Variants in CAPN11 observed in about 807,000 individuals in gnomAD.
The protein encoded by CAPN11 is calpain 11, also known as calpain-11.
CAPN11 carries 108 observed loss-of-function variants against 105.3 expected under a neutral mutation model. That is an observed-to-expected ratio of 1.03 (90% CI 0.88 to 1.20). CAPN11 has a LOEUF of 1.20. CAPN11 is among the 50% of genes most tolerant of loss of function. The pLI is 0.00. For synonymous variants in CAPN11, 329 were observed against 344.5 expected (o/e 0.96, Z 0.50); for missense variants, 883 against 924.8 (o/e 0.95, Z 0.59).
intron 12 of CAPN11, 166 bp downstream of exon 12, chr6:44,177,586 C>G: frequency 3.2e-6 from 2 of 632,034 alleles, no homozygotes; most frequent in East Asian, 2.8e-5. Context: ...CTCCCCAGTT[C>G]AAGTGATTCT....
chr6:44,180,765 G>C lies in CAPN11; in HGVS notation c.1764G>C (p.Val588=). 1.2e-6 allele frequency: 2 copies of C among 1,613,710 alleles called. No individual in the cohort carries two copies. Among genetic ancestry groups the C allele is most frequent in the Non-Finnish European group, 1.7e-6 (2 of 1,179,762 alleles). Residue 588 remains valine, a synonymous_variant, in exon 17 of 23, where the codon GTG becomes GTC. Transcript: ENST00000398776. ...CTTCCTAGGGCAAGGAGATAGGGGT[G>C]TATGAGCTCCAGAGGCTGCTCAACA... ...IVAGEGKEIG[V]YELQRLLNRM... is the part of the protein sequence containing the mutation.
intron 12 of CAPN11, chr6:44,177,670 A>T (rs1184894279): frequency 2.3e-6 from 1 of 441,140 alleles, no homozygotes; most frequent in Non-Finnish European, 4.1e-6. Flanking sequence ...TATTTTTAGT[A>T]GAGACGGGGT....
chr6:44,162,480 G>A (rs1464683867), intron 1 of CAPN11, among the ~76,000 whole-genome samples: 4 of 152,010 alleles, frequency 2.6e-5, no homozygotes, highest in Non-Finnish European at 4.4e-5. Context: ...GAGGGCTTGG[G>A]TTAGAAGAGA....
intron 18 of CAPN11, 38 bp from the exon 19 acceptor site, chr6:44,181,214 T>A: frequency 1.9e-6 from 3 of 1,600,878 alleles, no homozygotes; most frequent in Non-Finnish European, 2.6e-6. Context: ...TGGGATGCCT[T>A]CTTCACTCCT....
chr6:44,176,936 C>T lies in CAPN11; in HGVS notation c.1175C>T (p.Thr392Ile), dbSNP rs745828964. 1.2e-6 allele frequency: 2 copies of T among 1,613,988 alleles called. No homozygotes were observed. Among genetic ancestry groups the T allele is most frequent in the Admixed American group, 3.3e-5 (2 of 60,028 alleles). ...GGGGACTACAAGAGCTACTGGCACA[C>T]CACCTTCTACGAGGGCAGCTGGCGC... Reference protein sequence around the residue: ...LSGDYKSYWHTTFYEGSWRRG... With the variant: ...LSGDYKSYWHITFYEGSWRRG... Residue 392 changes from threonine to isoleucine, a missense_variant, in exon 11 of 23, where the codon ACC becomes ATC. Thr to Ile is a moderately conservative substitution (Grantham distance 89, BLOSUM62 -1). Coordinates refer to ENST00000398776, the MANE Select transcript of CAPN11 (RefSeq NM_007058.4).
intron 19 of CAPN11, 71 bp from the exon 20 acceptor site, chr6:44,182,870 G>T: frequency 8.5e-7 from 1 of 1,180,780 alleles, no homozygotes; most frequent in Non-Finnish European, 1.2e-6. Flanking sequence ...CACCGCGCCC[G>T]GCCTCAGTAT....
intron 1 of CAPN11, 71 bp downstream of exon 1, chr6:44,158,935 C>T (rs1363852997): frequency 2.9e-5 from 39 of 1,332,120 alleles, no homozygotes; most frequent in Admixed American, 4.5e-5. Context: ...AGGGGAGGAG[C>T]TGTGTCCCGC....
intron 6 of CAPN11, 37 bp downstream of exon 6, chr6:44,173,110 C>CCT: frequency 6.2e-7 from 1 of 1,609,052 alleles, no homozygotes; most frequent in East Asian, 2.2e-5. Context: ...GCTTGCCTTG[C>CCT]CTCTGTCTGG....
At chr6:44,168,352 C>A (rs574386357) in intron 2 of CAPN11, among the ~76,000 whole-genome samples, 32 of 152,330 alleles carry the variant, frequency 2.1e-4, no homozygotes, top group African/African-American at 7.5e-4. Context: ...TCACTGCAAC[C>A]TCTGCCTCCT....
intron 19 of CAPN11, among the ~76,000 whole-genome samples, chr6:44,181,960 CACACAT>C (rs1773654312): frequency 1.7e-5 from 2 of 117,918 alleles, no homozygotes; most frequent in Non-Finnish European, 3.5e-5. Flanking sequence ...CACTCACACA[CACACAT>C]ACACACTCAC....
intron 3 of CAPN11, 50 bp from the exon 4 acceptor site, chr6:44,169,856 T>A: frequency 7.2e-7 from 1 of 1,380,822 alleles, no homozygotes; most frequent in Non-Finnish European, 1.0e-6. Flanking sequence ...GGGAGAAAGG[T>A]GGGGAGGGGG....
At position 44,183,727 on chromosome 6, in the gene CAPN11, C is replaced by G; in HGVS notation, c.2157C>G (p.Pro719=). The G allele has an allele frequency of 6.2e-7, 1 of 1,613,888 alleles. No homozygotes were observed. The highest frequency in any genetic ancestry group is 8.5e-7 in the Non-Finnish European group (1 of 1,179,852). ...TMFTFFLTMD[P]KNTGHICLSL... is the part of the protein sequence containing the mutation. ...CAGCATTCTTTCTAACCATGGACCC[C>G]AAGAATACTGGCCATATTTGCTTGA... is the stretch of plus-strand genomic sequence containing the variant. The change falls in exon 22 of 23, where the codon CCC becomes CCG. Residue 719 remains proline, a synonymous_variant. Coordinates refer to ENST00000398776, the MANE Select transcript of CAPN11 (RefSeq NM_007058.4).
chr6:44,175,379 C>T (rs1432220577), intron 7 of CAPN11, among the ~76,000 whole-genome samples: 1 of 152,082 alleles, frequency 6.6e-6, no homozygotes, highest in East Asian at 1.9e-4. Context: ...ACTCAGGAGG[C>T]TGAGGTGAGA....
rs1773131411 is a variant in CAPN11, at chr6:44,181,419, CA to C, written c.1938+100del. On this transcript the variant is annotated intron_variant, in intron 19 of 22. Transcript: ENST00000398776. ...GAAGCTAGAACCCAAGCCCTAACCA[CA>C]CACACACACACACCCAACCACACCA... 6.5e-5 allele frequency: 17 copies of C among 262,282 alleles called. 1 individual carries two copies. Among genetic ancestry groups the C allele is most frequent in the African/African-American group, 2.3e-4 (1 of 4,390 alleles). 16.2% of individuals were successfully genotyped at this position (262,282 alleles called of 1,614,324 possible).
In CAPN11 at chr6:44,178,956, G is replaced by C. The variant is rs184023745; in HGVS notation, c.1417-663G>C. Among the ~76,000 whole-genome samples the C allele has an allele frequency of 1.5e-4, 23 of 152,152 alleles. No individual in the cohort carries two copies. The East Asian group carries it at 4.1e-3, about 27-fold the overall frequency. On this transcript the variant is annotated intron_variant, in intron 12 of 22. Transcript: ENST00000398776. ...TTCAAGGTTAAAAAAGCTCAGGAAA[G>C]ACTACTGCAGCCTGAGCTCTCCGGT...
chr6:44,171,823 T>C (rs1235705454), intron 4 of CAPN11, among the ~76,000 whole-genome samples: 1 of 152,196 alleles, frequency 6.6e-6, no homozygotes, highest in Non-Finnish European at 1.5e-5. Flanking sequence ...CCCAACACTT[T>C]GGGAGGCCAA....
intron 7 of CAPN11, among the ~76,000 whole-genome samples, chr6:44,174,249 A>G (rs1307653649): frequency 6.6e-6 from 1 of 152,194 alleles, no homozygotes; most frequent in African/African-American, 2.4e-5. Context: ...AACAACCTAG[A>G]TGTCCTTCAA....
chr6:44,179,120 T>G (rs1196513146), intron 12 of CAPN11, among the ~76,000 whole-genome samples: 1 of 152,146 alleles, frequency 6.6e-6, no homozygotes, highest in East Asian at 1.9e-4. Context: ...TCCTGCAGGA[T>G]ATGAGTGTTC....
chr6:44,178,209 C>A (rs952352585), intron 12 of CAPN11, among the ~76,000 whole-genome samples: 16 of 152,040 alleles, frequency 1.1e-4, no homozygotes, highest in African/African-American at 3.6e-4. Context: ...GCGGAAGGAG[C>A]CTGCGGGCCA....
Sources: gnomAD v4.1 joint callset for allele counts (sites outside exome capture counted in the v4.1 genomes callset) on GRCh38, gnomAD v4.1.1 for gene constraint, MANE v1.5 for transcripts, NCBI Gene and HGNC (gene_info 2026-07-23, HGNC 2026-07-21) for gene names.